Variants in NDUFAF2 observed in about 807,000 individuals in gnomAD.
NDUFAF2 encodes the protein NADH dehydrogenase [ubiquinone] 1 alpha subcomplex assembly factor 2.
NDUFAF2 carries 13 observed loss-of-function variants against 22.8 expected under a neutral mutation model. The ratio of observed to expected loss-of-function variants is 0.57; its 90% CI spans 0.37 to 0.91. The LOEUF (loss-of-function observed/expected upper bound fraction) is 0.91. NDUFAF2 is among the 40% of genes least tolerant of loss of function. NDUFAF2 has a pLI of 0.01. For missense variants in NDUFAF2, 162 were observed against 195.2 expected (o/e 0.83, Z 1.01); for synonymous variants, 53 against 64.2 (o/e 0.83, Z 0.84).
At chr5:61,134,679 C>T (rs751789734) in intron 3 of NDUFAF2, among the ~76,000 whole-genome samples, 8 of 152,064 alleles carry the variant, frequency 5.3e-5, no homozygotes, top group Admixed American at 3.9e-4. Flanking sequence ...GAGTGAGACT[C>T]TGTCTCAAAA....
At chr5:60,971,143 C>T (rs532484062) in intron 1 of NDUFAF2, among the ~76,000 whole-genome samples, 10 of 96,054 alleles carry the variant, frequency 1.0e-4, no homozygotes, top group Non-Finnish European at 1.6e-4. Flanking sequence ...TTTCTTTTTT[C>T]GTTTTTTTTT....
At chr5:61,047,310 T>C (rs1423576028) in intron 1 of NDUFAF2, among the ~76,000 whole-genome samples, 1 of 152,110 alleles carries the variant, frequency 6.6e-6, no homozygotes, top group African/African-American at 2.4e-5. Context: ...ACTTTTTATA[T>C]AGGATAACTG....
chr5:61,049,848 T>C (rs1200836367), intron 1 of NDUFAF2, among the ~76,000 whole-genome samples: 1 of 148,778 alleles, frequency 6.7e-6, no homozygotes, highest in African/African-American at 2.5e-5. Context: ...ACATACACAA[T>C]GAAAATTATA....
At chr5:61,066,231 T>C (rs1752226488) in intron 1 of NDUFAF2, among the ~76,000 whole-genome samples, 1 of 152,018 alleles carries the variant, frequency 6.6e-6, no homozygotes, top group South Asian at 2.1e-4. Context: ...TGCAAGGATA[T>C]CCCATGCTCA....
intron 2 of NDUFAF2, among the ~76,000 whole-genome samples, chr5:61,078,950 T>C (rs916188508): frequency 6.6e-6 from 1 of 152,188 alleles, no homozygotes; most frequent in East Asian, 1.9e-4. Flanking sequence ...ATTTTTCTTG[T>C]TTTTGGTAAG....
At position 61,070,596 on chromosome 5, in the gene NDUFAF2, TAC is replaced by T. The variant is rs10651718; in HGVS notation, c.128-2498_128-2497del. Reference sequence around the variant, plus strand: ...ATTAATTACTCTTCCTGTCTTTGCATACACACACACACACACACACACACACA... The same window carrying T: ...ATTAATTACTCTTCCTGTCTTTGCATACACACACACACACACACACACACA... On this transcript the variant is annotated intron_variant, in intron 1 of 3. Transcript: ENST00000296597. 4.9e-3 allele frequency among the ~76,000 whole-genome samples: 720 copies of T among 147,996 alleles called. 3 individuals are homozygous for T. Among genetic ancestry groups the T allele is most frequent in the Middle Eastern group, 0.01 (3 of 294 alleles).
At chr5:61,040,284 A>ACGCGCGCGCG (rs1297710611) in intron 1 of NDUFAF2, among the ~76,000 whole-genome samples, 8 of 87,244 alleles carry the variant, frequency 9.2e-5, no homozygotes, top group South Asian at 8.2e-4. Context: ...ACACACACAC[A>ACGCGCGCGCG]CACGCGCGCG....
chr5:60,975,430 T>C (rs1750890124), intron 1 of NDUFAF2, among the ~76,000 whole-genome samples: 1 of 151,618 alleles, frequency 6.6e-6, no homozygotes, highest in South Asian at 2.1e-4. Flanking sequence ...CAGTCTCGGG[T>C]TGTGTTTAAG....
intron 1 of NDUFAF2, among the ~76,000 whole-genome samples, chr5:60,948,420 G>A (rs917889294): frequency 6.6e-6 from 1 of 152,056 alleles, no homozygotes; most frequent in Non-Finnish European, 1.5e-5. Context: ...CACCATGTTG[G>A]TTAGGCTGGT....
intron 1 of NDUFAF2, among the ~76,000 whole-genome samples, chr5:61,046,650 C>T (rs1751957776): frequency 6.6e-6 from 1 of 152,086 alleles, no homozygotes; most frequent in Admixed American, 6.6e-5. Context: ...TAAGAATTTG[C>T]ATATGTGTTT....
intron 1 of NDUFAF2, 145 bp downstream of exon 1, chr5:60,945,527 T>A (rs1750426902): frequency 8.2e-7 from 1 of 1,215,354 alleles, no homozygotes; most frequent in African/African-American, 1.5e-5. Context: ...CGTTCTCCCC[T>A]GTCGACCCCT....
chr5:60,983,992 G>A (rs1252094385), intron 1 of NDUFAF2, among the ~76,000 whole-genome samples: 1 of 152,108 alleles, frequency 6.6e-6, no homozygotes, highest in Non-Finnish European at 1.5e-5. Context: ...ACCTTGGGCA[G>A]TATGGCCATT....
At chr5:60,994,779 T>G (rs1480540570) in intron 1 of NDUFAF2, among the ~76,000 whole-genome samples, 1 of 152,216 alleles carries the variant, frequency 6.6e-6, no homozygotes, top group Non-Finnish European at 1.5e-5. Context: ...GAATAAACTT[T>G]CCACTTTTAT....
chr5:60,984,653 A>T (rs538951342), intron 1 of NDUFAF2, among the ~76,000 whole-genome samples: 1 of 152,224 alleles, frequency 6.6e-6, no homozygotes, highest in South Asian at 2.1e-4. Flanking sequence ...TATTGAGATA[A>T]TGTGGTTTTT....
chr5:61,016,892 C>A (rs1751518097), intron 1 of NDUFAF2, among the ~76,000 whole-genome samples: 1 of 152,178 alleles, frequency 6.6e-6, no homozygotes, highest in African/African-American at 2.4e-5. Context: ...GGATATCCAG[C>A]ACCTGGTGCC....
chr5:61,109,791 CT>C, intron 3 of NDUFAF2, among the ~76,000 whole-genome samples: 1 of 152,170 alleles, frequency 6.6e-6, no homozygotes, highest in Non-Finnish European at 1.5e-5. Context: ...AGACATCCCT[CT>C]TTCCCTTCCA....
At chr5:61,104,992 C>G (rs1431280683) in intron 3 of NDUFAF2, among the ~76,000 whole-genome samples, 1 of 151,998 alleles carries the variant, frequency 6.6e-6, no homozygotes, top group Non-Finnish European at 1.5e-5. Flanking sequence ...GAAAAATTGC[C>G]AGGTGCTGGT....
At chr5:61,117,880 A>G (rs1184324420) in intron 3 of NDUFAF2, among the ~76,000 whole-genome samples, 1 of 152,136 alleles carries the variant, frequency 6.6e-6, no homozygotes. Context: ...ATATCCAATA[A>G]AACGTTATTT....
chr5:61,046,622 C>A (rs1751957532), intron 1 of NDUFAF2, among the ~76,000 whole-genome samples: 1 of 152,046 alleles, frequency 6.6e-6, no homozygotes, highest in East Asian at 1.9e-4. Context: ...GATAACACAT[C>A]TGAGAAAGAG....
Sources: gnomAD v4.1 joint callset for allele counts (sites outside exome capture counted in the v4.1 genomes callset) on GRCh38, gnomAD v4.1.1 for gene constraint, MANE v1.5 for transcripts, NCBI Gene and HGNC (gene_info 2026-07-23, HGNC 2026-07-21) for gene names.